Variants in COL6A6 observed in about 807,000 individuals in gnomAD.
COL6A6 encodes collagen type VI alpha 6 chain, also known as collagen alpha-6(VI) chain.
Under a neutral mutation model 208.6 loss-of-function variants are expected in COL6A6, and 183 were observed. The ratio of observed to expected loss-of-function variants is 0.88; its 90% CI spans 0.78 to 0.99. The LOEUF is 0.99. COL6A6 is among the 50% of genes least tolerant of loss of function. COL6A6 has a pLI of 0.00. For synonymous variants in COL6A6, 973 were observed against 1,011.8 expected, an observed-to-expected ratio of 0.96 and a Z score of 0.73; for missense variants, 2,816 against 2,815.2, an observed-to-expected ratio of 1.00 and a Z score of -0.01.
At chr3:130,636,661 C>G (rs763648628) in intron 28 of COL6A6, among the ~76,000 whole-genome samples, 1 of 151,774 alleles carries the variant, frequency 6.6e-6, no homozygotes, top group Non-Finnish European at 1.5e-5. Flanking sequence ...ACTATACGAT[C>G]TTTATGTATA....
chr3:130,610,506 AG>A, intron 22 of COL6A6, 142 bp from the exon 23 acceptor site: 1 of 673,952 alleles, frequency 1.5e-6, no homozygotes. Context: ...TCCACAGGCC[AG>A]GATGGAAGGA....
At chr3:130,602,118 A>G (rs1428759162) in intron 20 of COL6A6, among the ~76,000 whole-genome samples, 2 of 152,222 alleles carry the variant, frequency 1.3e-5, no homozygotes, top group Non-Finnish European at 2.9e-5. Context: ...GAGGCTGCAA[A>G]CAATGAGGAG....
intron 1 of COL6A6, among the ~76,000 whole-genome samples, chr3:130,559,203 C>G (rs767792393): frequency 6.6e-6 from 1 of 152,258 alleles, no homozygotes; most frequent in South Asian, 2.1e-4. Flanking sequence ...GTTTTCACTT[C>G]GGGAAATCCA....
At chr3:130,551,671 G>C (rs1054979976) in intron 1 of COL6A6, among the ~76,000 whole-genome samples, 4 of 141,896 alleles carry the variant, frequency 2.8e-5, no homozygotes, top group African/African-American at 1.1e-4. Flanking sequence ...CTTCATTTCA[G>C]CTCTGATTTT....
At chr3:130,559,322 T>C (rs2062830672) in intron 1 of COL6A6, among the ~76,000 whole-genome samples, 1 of 152,178 alleles carries the variant, frequency 6.6e-6, no homozygotes, top group South Asian at 2.1e-4. Context: ...TAAATTTATA[T>C]ACAGACTGAA....
chr3:130,665,941 A>G (rs2066064205), intron 36 of COL6A6, among the ~76,000 whole-genome samples: 1 of 152,154 alleles, frequency 6.6e-6, no homozygotes, highest in Admixed American at 6.5e-5. Context: ...ATCTGGCATT[A>G]TGTGCCTCCT....
At chr3:130,546,972 C>A (rs1189505168) in intron 1 of COL6A6, among the ~76,000 whole-genome samples, 1 of 152,266 alleles carries the variant, frequency 6.6e-6, no homozygotes, top group East Asian at 1.9e-4. Flanking sequence ...CTCCAAGTCC[C>A]CACCCAACTC....
intron 31 of COL6A6, among the ~76,000 whole-genome samples, chr3:130,644,722 G>A (rs1018967567): frequency 5.9e-5 from 9 of 152,124 alleles, no homozygotes; most frequent in African/African-American, 2.4e-5. Flanking sequence ...TTCCCTCCCA[G>A]GCAAAAAGTC....
chr3:130,545,936 T>C (rs1157454026), intron 1 of COL6A6, among the ~76,000 whole-genome samples: 12 of 152,178 alleles, frequency 7.9e-5, no homozygotes, highest in Admixed American at 6.5e-4. Flanking sequence ...CTTTTTTTCT[T>C]TCTTTCCCTA....
intron 23 of COL6A6, among the ~76,000 whole-genome samples, chr3:130,617,412 G>A (rs1025420121): frequency 3.3e-5 from 5 of 152,300 alleles, no homozygotes; most frequent in African/African-American, 9.6e-5. Flanking sequence ...TGAATGAGCA[G>A]GTGTTTTCCG....
intron 33 of COL6A6, among the ~76,000 whole-genome samples, chr3:130,656,116 G>C (rs1236191935): frequency 6.6e-6 from 1 of 152,218 alleles, no homozygotes; most frequent in Admixed American, 6.5e-5. Context: ...CTAGGTCTGG[G>C]CTCCCCAGAG....
At chr3:130,608,762 C>CTTT in intron 21 of COL6A6, 140 bp from the exon 22 acceptor site, 9 of 468,150 alleles carry the variant, frequency 1.9e-5, no homozygotes, top group South Asian at 9.1e-5. Flanking sequence ...TTATTTTTCA[C>CTTT]CTTTTTTTTT....
At chr3:130,671,207 G>A (rs920840021) in intron 36 of COL6A6, among the ~76,000 whole-genome samples, 6 of 152,202 alleles carry the variant, frequency 3.9e-5, no homozygotes, top group African/African-American at 9.6e-5. Flanking sequence ...TTTTGCCGTC[G>A]GCTCTCCACA....
chr3:130,551,138 T>C (rs556758108), intron 1 of COL6A6, among the ~76,000 whole-genome samples: 76 of 151,282 alleles, frequency 5.0e-4, no homozygotes, highest in African/African-American at 1.7e-3. Context: ...TTTCTGTGTG[T>C]GTGTATGTCT....
At chr3:130,519,377 A>G (rs182536651) in intron 1 of COL6A6, among the ~76,000 whole-genome samples, 11 of 152,346 alleles carry the variant, frequency 7.2e-5, no homozygotes, top group Admixed American at 2.6e-4. Context: ...CTGCAAATAT[A>G]TAAAAGTGAT....
At chr3:130,558,336 G>T (rs929481977) in intron 1 of COL6A6, among the ~76,000 whole-genome samples, 1 of 152,060 alleles carries the variant, frequency 6.6e-6, no homozygotes, top group Non-Finnish European at 1.5e-5. Context: ...CCCACCCCAT[G>T]CACACACAAA....
In COL6A6 at chr3:130,665,039, T is replaced by C. The variant is rs2066038086; in HGVS notation, c.6539T>C (p.Ile2180Thr). The change falls in exon 36 of 37, where the codon ATA (isoleucine) becomes ACA (threonine). Residue 2180 changes from isoleucine to threonine, a missense_variant. Ile to Thr is a moderately conservative substitution (Grantham distance 89). Coordinates refer to ENST00000358511, the MANE Select transcript of COL6A6 (RefSeq NM_001102608.3). ...INKYPPINLKIKCNRLNSIDP... is the reference protein window; with the variant it reads ...INKYPPINLKTKCNRLNSIDP... ...AAATATCCACCAATAAACTTAAAAA[T>C]AAAGTGCAACAGACTTAACTCTATA... is the stretch of plus-strand genomic sequence containing the variant. 3 of 1,609,356 alleles carry C rather than the reference T, an allele frequency of 1.9e-6. No individual in the cohort carries two copies. Among genetic ancestry groups the C allele is most frequent in the African/African-American group, 1.3e-5 (1 of 74,788 alleles).
intron 26 of COL6A6, among the ~76,000 whole-genome samples, chr3:130,627,610 G>A (rs952160592): frequency 2.0e-5 from 3 of 152,178 alleles, no homozygotes; most frequent in African/African-American, 7.2e-5. Context: ...GCAGTGATAT[G>A]CGGCCCTAGT....
rs749805484 is a variant in COL6A6, at chr3:130,641,644, C to A, written c.5092-8C>A. 6.5e-7 allele frequency: 1 copy of A among 1,530,426 alleles called. No homozygotes were observed. Among genetic ancestry groups the A allele is most frequent in the Admixed American group, 1.7e-5 (1 of 58,860 alleles). The allele number at this position is 1,530,426 out of a possible 1,614,324, so 94.8% of individuals were successfully genotyped here. A position where few individuals can be genotyped will look rare whatever the true frequency, so the allele number is the denominator to read the frequency against. On this transcript the variant is annotated splice_polypyrimidine_tract_variant and splice_region_variant and intron_variant, in intron 28 of 36. Transcript: ENST00000358511. The stretch of plus-strand genomic sequence containing the variant: ...TAAATACAATTTTAAAATAAATTCT[C>A]CTTTGAGATATCTGCTGGGCTTCCA...
Sources: gnomAD v4.1 joint callset for allele counts (sites outside exome capture counted in the v4.1 genomes callset) on GRCh38, gnomAD v4.1.1 for gene constraint, MANE v1.5 for transcripts, NCBI Gene and HGNC (gene_info 2026-07-23, HGNC 2026-07-21) for gene names.